The following ADGRV1 variants were observed in gnomAD, a reference collection of about 807,000 sequenced individuals.
ADGRV1 encodes the protein adhesion G protein-coupled receptor V1, also known as G-protein coupled receptor 98.
A neutral mutation model predicts 596.2 loss-of-function variants in ADGRV1; 359 were observed. The ratio of observed to expected loss-of-function variants is 0.60; its 90% CI spans 0.55 to 0.66. ADGRV1 has a LOEUF of 0.66. Among genes scored for constraint, ADGRV1 ranks in the 30% least tolerant of loss-of-function variants. The pLI, the probability that ADGRV1 is intolerant of heterozygous loss-of-function variation, is 0.00. For synonymous variants in ADGRV1, 2,681 were observed against 2,679.2 expected, an observed-to-expected ratio of 1.00 and a Z score of -0.02; for missense variants, 7,274 against 7,575.6, an observed-to-expected ratio of 0.96 and a Z score of 1.48.
Position 90,635,198 on chromosome 5 carries a change from C to G in ADGRV1, c.1924C>G (p.Leu642Val), listed in dbSNP as rs1766013697. 1 of 1,612,772 alleles carries G rather than the reference C, an allele frequency of 6.2e-7. No individual in the cohort carries two copies. The highest frequency in any genetic ancestry group is 1.3e-5 in the African/African-American group (1 of 74,898). Residue 642 changes from leucine (L) to valine (V), a missense_variant, in exon 10 of 90, where the codon CTG (leucine) becomes GTG (valine). Coordinates refer to ENST00000405460, the MANE Select transcript of ADGRV1 (RefSeq NM_032119.4). ...RFGEICNISL[L>V]VTPAIANGEI... ...TGGGGAAATCTGCAATATTTCTTTA[C>G]TGGTTACTCCAGCCATTGCAAATGG...
At chr5:90,643,088 TA>T in intron 13 of ADGRV1, 47 bp downstream of exon 13, 1 of 1,428,512 alleles carries the variant, frequency 7.0e-7, no homozygotes, top group South Asian at 1.2e-5. Context: ...AGATTGATAG[TA>T]TTTGGTATAT....
chr5:90,877,888 A>G (rs1769371746), intron 83 of ADGRV1, among the ~76,000 whole-genome samples: 1 of 150,474 alleles, frequency 6.6e-6, no homozygotes, highest in Admixed American at 6.6e-5. Context: ...TGAAATTCAG[A>G]AAAAAAAATG....
chr5:90,607,466 G>A (rs1199310978), intron 1 of ADGRV1, among the ~76,000 whole-genome samples: 1 of 152,148 alleles, frequency 6.6e-6, no homozygotes, highest in African/African-American at 2.4e-5. Flanking sequence ...GATGTGAGCC[G>A]TGTTTGTGGG....
chr5:90,672,788 G>T, intron 22 of ADGRV1, 66 bp downstream of exon 22: 1 of 1,217,484 alleles, frequency 8.2e-7, no homozygotes, highest in Non-Finnish European at 1.1e-6. Context: ...TGTTTGTTCT[G>T]TAATTTCTTT....
In ADGRV1 at chr5:90,943,312, C is replaced by G. The variant is rs1479874338; in HGVS notation, c.17857-22103C>G. Reference sequence around the variant, plus strand: ...AGTGAGAAAAGCTTTAACCACTCATCTTACAATCAGAAGACTTGGAATCAA... The same window carrying G: ...AGTGAGAAAAGCTTTAACCACTCATGTTACAATCAGAAGACTTGGAATCAA... On this transcript the variant is annotated intron_variant, in intron 83 of 89. Transcript: ENST00000405460. Among the ~76,000 whole-genome samples, 3 of 152,188 alleles carry G rather than the reference C, an allele frequency of 2.0e-5. No individual in the cohort carries two copies. In the East Asian group the frequency reaches 5.8e-4, roughly 30 times the overall value.
chr5:90,721,547 AAAAT>A (rs1750988951), intron 45 of ADGRV1, among the ~76,000 whole-genome samples: 1 of 20,996 alleles, frequency 4.8e-5, no homozygotes, highest in Non-Finnish European at 6.9e-5. Flanking sequence ...AAAATAAAAT[AAAAT>A]AAAATAAAAT....
intron 87 of ADGRV1, among the ~76,000 whole-genome samples, chr5:91,129,090 T>C (rs956341223): frequency 8.5e-5 from 13 of 152,254 alleles, no homozygotes; most frequent in African/African-American, 2.7e-4. Flanking sequence ...TTAGAATGTT[T>C]TCCTATGGCA....
Position 90,756,450 on chromosome 5 carries a change from C to T in ADGRV1, c.11581-4C>T. 2.0e-6 allele frequency: 3 copies of T among 1,490,960 alleles called. No individual in the cohort carries two copies. The highest frequency in any genetic ancestry group is 2.7e-6 in the Non-Finnish European group (3 of 1,115,950). The allele number at this position is 1,490,960 out of a possible 1,614,324, so 92.4% of individuals were successfully genotyped here. On this transcript the variant is annotated splice_region_variant and splice_polypyrimidine_tract_variant and intron_variant, in intron 55 of 89. Transcript: ENST00000405460. ...AAACACCATCTTTTTCCCCCATCCC[C>T]CAGGATGACCTTCCTGAATTGGAGG...
intron 29 of ADGRV1, among the ~76,000 whole-genome samples, chr5:90,687,553 A>G (rs1435294639): frequency 6.6e-6 from 1 of 152,188 alleles, no homozygotes; most frequent in Admixed American, 6.5e-5. Context: ...GGCCAGGGCA[A>G]TTAGGCAGGA....
At chr5:90,816,507 C>A (rs1001154738) in intron 75 of ADGRV1, among the ~76,000 whole-genome samples, 5 of 151,154 alleles carry the variant, frequency 3.3e-5, no homozygotes, top group African/African-American at 1.2e-4. Flanking sequence ...GTGTGCTGCA[C>A]CCATTAACTC....
intron 11 of ADGRV1, among the ~76,000 whole-genome samples, 182 bp downstream of exon 11, chr5:90,638,130 T>G (rs1244821655): frequency 2.0e-5 from 3 of 152,078 alleles, no homozygotes; most frequent in Non-Finnish European, 2.9e-5. Context: ...ACTATGAGTA[T>G]AATTATATCT....
At chr5:90,745,853 T>C in intron 52 of ADGRV1, 58 bp downstream of exon 52, 1 of 1,014,470 alleles carries the variant, frequency 9.9e-7, no homozygotes, top group Non-Finnish European at 1.5e-6. Flanking sequence ...ATTGTATTTG[T>C]GTATTAGCTA....
At chr5:90,570,025 A>G (rs1462923528) in intron 1 of ADGRV1, among the ~76,000 whole-genome samples, 1 of 152,048 alleles carries the variant, frequency 6.6e-6, no homozygotes, top group Non-Finnish European at 1.5e-5. Context: ...CTGTCATGTG[A>G]CCTTTTCTGG....
chr5:90,647,881 A>G (rs1273731640), intron 17 of ADGRV1, 117 bp downstream of exon 17: 2 of 872,378 alleles, frequency 2.3e-6, no homozygotes, highest in Non-Finnish European at 3.5e-6. Flanking sequence ...GTACTATTCA[A>G]GAGTAAAATT....
At chr5:91,077,524 G>A (rs1386057207) in intron 86 of ADGRV1, among the ~76,000 whole-genome samples, 1 of 152,164 alleles carries the variant, frequency 6.6e-6, no homozygotes, top group African/African-American at 2.4e-5. Flanking sequence ...AAAGGAATGG[G>A]GAGAACAAAG....
chr5:91,030,708 T>C lies in ADGRV1; in HGVS notation c.18153-41739T>C, dbSNP rs1784412514. The stretch of plus-strand genomic sequence containing the variant: ...ATCATCACTATGTTGCACAGTAGAA[T>C]AGGAATTCAGGTACTTAGTCAAGTT... On this transcript the variant is annotated intron_variant, in intron 85 of 89. Transcript: ENST00000405460. Among the ~76,000 whole-genome samples the C allele has an allele frequency of 2.0e-5, 3 of 152,172 alleles. No homozygotes were observed. The South Asian group carries it at 6.2e-4, about 32-fold the overall frequency.
intron 83 of ADGRV1, among the ~76,000 whole-genome samples, chr5:90,932,494 G>A (rs765597408): frequency 1.3e-5 from 2 of 152,040 alleles, no homozygotes; most frequent in South Asian, 2.1e-4. Flanking sequence ...AAATGTTTTG[G>A]TTGGTACTTG....
chr5:90,909,499 C>T (rs542373007), intron 83 of ADGRV1, among the ~76,000 whole-genome samples: 1 of 152,124 alleles, frequency 6.6e-6, no homozygotes, highest in South Asian at 2.1e-4. Context: ...AGGTGATATT[C>T]CCAACCAGAC....
At chr5:90,582,429 C>G (rs997042992) in intron 1 of ADGRV1, among the ~76,000 whole-genome samples, 11 of 152,090 alleles carry the variant, frequency 7.2e-5, no homozygotes, top group African/African-American at 2.4e-4. Flanking sequence ...AGATTGTACC[C>G]TTTATCATTC....
Sources: gnomAD v4.1 joint callset for allele counts (sites outside exome capture counted in the v4.1 genomes callset) on GRCh38, gnomAD v4.1.1 for gene constraint, MANE v1.5 for transcripts, NCBI Gene and HGNC (gene_info 2026-07-23, HGNC 2026-07-21) for gene names.